Variants in ASH1L observed in about 807,000 individuals in gnomAD.
ASH1L encodes ASH1 like histone lysine methyltransferase.
In ASH1L, 23 loss-of-function variants were observed where a neutral mutation model predicts 269.0. The ratio of observed to expected loss-of-function variants is 0.09; its 90% CI spans 0.06 to 0.12. The LOEUF (loss-of-function observed/expected upper bound fraction) is 0.12, where lower values mean the gene tolerates loss of function less well. Ranked by LOEUF, ASH1L falls within the 10% of genes least tolerant of loss-of-function variation. ASH1L has a pLI of 1.00. For missense variants in ASH1L, 2,912 were observed against 3,567.8 expected, an observed-to-expected ratio of 0.82 and a Z score of 4.68; for synonymous variants, 1,187 against 1,253.5, an observed-to-expected ratio of 0.95 and a Z score of 1.12.
intron 6 of ASH1L, among the ~76,000 whole-genome samples, chr1:155,397,132 GAAAA>G (rs1286164962): frequency 1.3e-5 from 1 of 74,310 alleles, no homozygotes; most frequent in African/African-American, 4.7e-5. Context: ...GTCAAAAAAA[GAAAA>G]AAAAAAAAAA....
intron 12 of ASH1L, among the ~76,000 whole-genome samples, chr1:155,365,287 C>A (rs953192405): frequency 2.6e-5 from 4 of 151,920 alleles, no homozygotes; most frequent in African/African-American, 9.7e-5. Flanking sequence ...CTCACTGCAA[C>A]CTCCACCTCC....
intron 13 of ASH1L, among the ~76,000 whole-genome samples, chr1:155,359,459 T>C (rs567114841): frequency 4.6e-5 from 7 of 152,098 alleles, no homozygotes; most frequent in African/African-American, 1.4e-4. Flanking sequence ...GTATTTTTAG[T>C]AGAGAGAGGG....
At chr1:155,470,776 T>C (rs1180869758) in intron 3 of ASH1L, among the ~76,000 whole-genome samples, 1 of 151,950 alleles carries the variant, frequency 6.6e-6, no homozygotes, top group African/African-American at 2.4e-5. Flanking sequence ...GATCTCGAAC[T>C]CCTAACCTCA....
intron 2 of ASH1L, chr1:155,520,112 G>A (rs1259480504): frequency 6.6e-6 from 1 of 151,780 alleles, no homozygotes; most frequent in Non-Finnish European, 1.5e-5. Context: ...AGTACTTTGG[G>A]AGGCTGAGGT....
intron 3 of ASH1L, among the ~76,000 whole-genome samples, chr1:155,473,695 G>A (rs1358923615): frequency 1.3e-5 from 2 of 151,840 alleles, no homozygotes; most frequent in South Asian, 2.1e-4. Context: ...GAGATGGGAG[G>A]CTCCTATGTT....
In ASH1L at chr1:155,337,579, C is replaced by T. The variant is rs545754333; in HGVS notation, c.*81G>A. The T allele has an allele frequency of 4.5e-5, 55 of 1,221,598 alleles. 2 individuals carry two copies. In the South Asian group the frequency reaches 6.4e-4, roughly 14 times the overall value. 75.7% of individuals were successfully genotyped at this position (1,221,598 alleles called of 1,614,324 possible). A position where few individuals can be genotyped will look rare whatever the true frequency, so the allele number is the denominator to read the frequency against. ...TTGCCCAGATGGACCCTTCCCACCC[C>T]TGTCTATACCCAGAGAGCAGGAGGC... On this transcript the variant is annotated 3_prime_UTR_variant, in exon 28 of 28. Transcript: ENST00000392403.
chr1:155,500,996 A>G (rs1558170840), intron 2 of ASH1L, among the ~76,000 whole-genome samples: 1 of 152,120 alleles, frequency 6.6e-6, no homozygotes, highest in Non-Finnish European at 1.5e-5. Context: ...ATTTAAAAAA[A>G]AAGAGCTAAG....
At chr1:155,469,243 C>T (rs1391894544) in intron 3 of ASH1L, among the ~76,000 whole-genome samples, 6 of 151,718 alleles carry the variant, frequency 4.0e-5, no homozygotes, top group East Asian at 3.9e-4. Flanking sequence ...AGTGCAATGG[C>T]GTGATCTCAG....
chr1:155,521,633 A>G lies in ASH1L; in HGVS notation c.-99-15T>C, dbSNP rs1668894285. 1.0e-6 allele frequency: 1 copy of G among 1,000,990 alleles called. No individual in the cohort carries two copies. The highest frequency in any genetic ancestry group is 1.5e-6 in the Non-Finnish European group (1 of 688,908). 62.0% of individuals were successfully genotyped at this position (1,000,990 alleles called of 1,614,324 possible). A position where few individuals can be genotyped will look rare whatever the true frequency, so the allele number is the denominator to read the frequency against. ...AGCATCTTTCTCTGCAGAACAGATC[A>G]TAACAAAAATTTATCAGAAAAGAGG... is the stretch of plus-strand genomic sequence containing the variant. On this transcript the variant is annotated splice_polypyrimidine_tract_variant and intron_variant, in intron 1 of 27. Coordinates refer to ENST00000392403, the MANE Select transcript of ASH1L (RefSeq NM_018489.3).
chr1:155,561,893 G>A (rs1476885406), intron 1 of ASH1L: 4 of 388,604 alleles, frequency 1.0e-5, no homozygotes, highest in African/African-American at 2.1e-5. Context: ...AACCTGTCAG[G>A]GGCACAGCCG....
At chr1:155,472,131 A>T (rs1486170223) in intron 3 of ASH1L, among the ~76,000 whole-genome samples, 1 of 152,114 alleles carries the variant, frequency 6.6e-6, no homozygotes. Context: ...ACTCTACAAA[A>T]AATTCAAAAA....
chr1:155,496,955 A>AT lies in ASH1L; in HGVS notation c.421-14507dup, dbSNP rs1377601053. Among the ~76,000 whole-genome samples the AT allele has an allele frequency of 4.0e-5, 6 of 151,858 alleles. No homozygotes were observed. The East Asian group carries it at 7.7e-4, about 20-fold the overall frequency. On this transcript the variant is annotated intron_variant, in intron 2 of 27. Transcript: ENST00000392403. Reference sequence around the variant, plus strand: ...GCCACCCCACCCAGCCAATTATTAGATTTTCTATTCGGCGTCAGTGATTTT... The same window carrying AT: ...GCCACCCCACCCAGCCAATTATTAGATTTTTCTATTCGGCGTCAGTGATTTT...
chr1:155,429,879 A>G (rs1464031355), intron 5 of ASH1L, among the ~76,000 whole-genome samples: 1 of 152,114 alleles, frequency 6.6e-6, no homozygotes, highest in African/African-American at 2.4e-5. Context: ...GGCTCACTGT[A>G]GCCTCGACCT....
intron 1 of ASH1L, among the ~76,000 whole-genome samples, chr1:155,542,070 A>C (rs1477284092): frequency 6.6e-6 from 1 of 152,166 alleles, no homozygotes; most frequent in Admixed American, 6.6e-5. Context: ...TGAATAGCAA[A>C]GTTAACGTAG....
chr1:155,508,051 T>C (rs1416857600), intron 2 of ASH1L, among the ~76,000 whole-genome samples: 3 of 152,062 alleles, frequency 2.0e-5, no homozygotes, highest in South Asian at 2.1e-4. Context: ...CAATCACGTA[T>C]TATGTAACTC....
At chr1:155,500,686 A>G (rs1667444373) in intron 2 of ASH1L, among the ~76,000 whole-genome samples, 1 of 152,184 alleles carries the variant, frequency 6.6e-6, no homozygotes, top group Admixed American at 6.5e-5. Flanking sequence ...TGAGGAGCCT[A>G]GACTGGGCGT....
intron 6 of ASH1L, among the ~76,000 whole-genome samples, chr1:155,403,129 G>A (rs1246500518): frequency 6.6e-6 from 1 of 151,790 alleles, no homozygotes; most frequent in African/African-American, 2.4e-5. Flanking sequence ...AGGTTACAGT[G>A]AGCCAAGATC....
chr1:155,501,612 C>A (rs1376615878), intron 2 of ASH1L, among the ~76,000 whole-genome samples: 1 of 152,226 alleles, frequency 6.6e-6, no homozygotes. Context: ...CGCGGGTGAT[C>A]TGCCCACCTT....
intron 1 of ASH1L, among the ~76,000 whole-genome samples, chr1:155,539,084 T>C (rs1267644435): frequency 6.6e-6 from 1 of 152,182 alleles, no homozygotes. Flanking sequence ...GATGTTGGAA[T>C]TCTTTAGGTT....
Sources: allele counts gnomAD v4.1 joint callset (sites outside exome capture counted in the v4.1 genomes callset), GRCh38; gene constraint gnomAD v4.1.1; transcripts MANE v1.5; gene names NCBI Gene and HGNC (gene_info 2026-07-23, HGNC 2026-07-21).